SRSF11: variants seen among roughly 807,000 people sequenced by gnomAD.
The protein encoded by SRSF11 is serine and arginine rich splicing factor 11.
Under a neutral mutation model 56.0 loss-of-function variants are expected in SRSF11, and 9 were observed. The observed-to-expected ratio is 0.16, with a 90% CI of 0.10 to 0.28. The LOEUF is 0.28. SRSF11 is among the 10% of genes least tolerant of loss of function. SRSF11 has a pLI of 1.00. For missense variants in SRSF11, 421 were observed against 600.7 expected, an observed-to-expected ratio of 0.70 and a Z score of 3.13; for synonymous variants, 222 against 215.3, an observed-to-expected ratio of 1.03 and a Z score of -0.27.
At chr1:70,233,729 AAGTG>A (rs369702308) in intron 3 of SRSF11, among the ~76,000 whole-genome samples, 5 of 152,216 alleles carry the variant, frequency 3.3e-5, no homozygotes, top group Admixed American at 6.5e-5. Flanking sequence ...CAGGTGGAGA[AAGTG>A]AGGCTGTTTC....
At chr1:70,243,261 A>G (rs539912466) in intron 7 of SRSF11, among the ~76,000 whole-genome samples, 1 of 148,384 alleles carries the variant, frequency 6.7e-6, no homozygotes, top group East Asian at 2.0e-4. Context: ...ATCCACATAT[A>G]GGAAAACTCA....
chr1:70,217,287 T>C (rs1302296652), upstream of SRSF11, among the ~76,000 whole-genome samples: 1 of 152,158 alleles, frequency 6.6e-6, no homozygotes, highest in Non-Finnish European at 1.5e-5. Context: ...GCCTTCCAAG[T>C]AGCTGGGATT....
Position 70,244,704 on chromosome 1 carries a change from G to C in SRSF11, c.821G>C (p.Arg274Thr). The change falls in exon 8 of 12, where the codon AGA (arginine) becomes ACA (threonine). Residue 274 changes from arginine to threonine, a missense_variant. Physicochemically the swap from Arg to Thr is moderately conservative, Grantham distance 71. Transcript: ENST00000370949. ...ATTAGGCGGTCAAGAAGCAGATCGAGACGGCGGTCACATTCTAAGTCTAGG... is the reference window on the plus strand; with the variant it reads ...ATTAGGCGGTCAAGAAGCAGATCGACACGGCGGTCACATTCTAAGTCTAGG... ...SRHRRSRSRS[R>T]RRSHSKSRSR... 1 of 1,614,136 alleles carries C rather than the reference G, an allele frequency of 6.2e-7. No homozygotes were observed.
chr1:70,232,107 A>G, intron 2 of SRSF11, 161 bp from the exon 3 acceptor site: 1 of 1,548,064 alleles, frequency 6.5e-7, no homozygotes. Flanking sequence ...CTGACATAAA[A>G]TTAATGATAA....
At chr1:70,211,576 C>G (rs917298607) in intron 1 of SRSF11, among the ~76,000 whole-genome samples, 1 of 152,054 alleles carries the variant, frequency 6.6e-6, no homozygotes, top group Non-Finnish European at 1.5e-5. Context: ...AAATTTGATA[C>G]TTAGATTTCT....
At chr1:70,229,474 T>C in intron 2 of SRSF11, 2 of 985,280 alleles carry the variant, frequency 2.0e-6, no homozygotes, top group Non-Finnish European at 2.4e-6. Flanking sequence ...TAAAATTTTC[T>C]AAGGCGTATT....
At chr1:70,250,270 G>A (rs1192255628) in intron 10 of SRSF11, 95 bp from the exon 11 acceptor site, 1 of 1,540,938 alleles carries the variant, frequency 6.5e-7, no homozygotes, top group Non-Finnish European at 8.7e-7. Flanking sequence ...TTTGAAGTTG[G>A]ATCTTTGCTG....
Position 70,221,770 on chromosome 1 carries a change from G to C in SRSF11, c.134G>C (p.Ser45Thr). Residue 45 changes from serine to threonine, a missense_variant, in exon 1 of 12, where the codon AGC (serine) becomes ACC (threonine). Ser to Thr is a moderately conservative substitution (Grantham distance 58, BLOSUM62 1). This residue lies in a region of SRSF11 where 168 missense variants were observed against 294.9 expected (regional missense o/e 0.57). Transcript: ENST00000370949. ...IQVTNVSPSA[S>T]SEQMRTLFGF... ...GTGACTAATGTCTCCCCGAGCGCTA[G>C]CTCTGAGCAGATGCGGACTCTCTTC... The C allele has an allele frequency of 1.2e-6, 2 of 1,614,172 alleles. No homozygotes were observed. Among genetic ancestry groups the C allele is most frequent in the Non-Finnish European group, 1.7e-6 (2 of 1,180,046 alleles).
intron 9 of SRSF11, chr1:70,249,280 T>C (rs1469059203): frequency 6.6e-6 from 1 of 152,182 alleles, no homozygotes; most frequent in Admixed American, 6.5e-5. Flanking sequence ...TATATCACAT[T>C]ATTGAATTAT....
intron 7 of SRSF11, among the ~76,000 whole-genome samples, chr1:70,243,355 A>C (rs1351521480): frequency 4.3e-5 from 6 of 140,534 alleles, no homozygotes; most frequent in African/African-American, 8.3e-5. Context: ...AAAAAAAAAA[A>C]AAAAAAAAAA....
intron 6 of SRSF11, among the ~76,000 whole-genome samples, chr1:70,239,159 A>G (rs1168332030): frequency 6.6e-6 from 1 of 152,072 alleles, no homozygotes; most frequent in African/African-American, 2.4e-5. Context: ...TGGTGCAATC[A>G]CAGCTCACTG....
intron 8 of SRSF11, among the ~76,000 whole-genome samples, chr1:70,245,126 C>G (rs144832350): frequency 0.012 from 1,808 of 152,196 alleles, 26 homozygotes; most frequent in Non-Finnish European, 0.014. Flanking sequence ...ATTCAAAAAC[C>G]AGTCTTTTCG....
chr1:70,231,687 G>T, intron 2 of SRSF11: 2 of 1,186,898 alleles, frequency 1.7e-6, no homozygotes, highest in Non-Finnish European at 2.1e-6. Flanking sequence ...GTCAGCAAAA[G>T]CCCTACGCTT....
chr1:70,216,534 G>A (rs933334710), upstream of SRSF11, among the ~76,000 whole-genome samples: 1 of 151,776 alleles, frequency 6.6e-6, no homozygotes, highest in Non-Finnish European at 1.5e-5. Flanking sequence ...CCAGGCTCAG[G>A]TGATCCTCCA....
chr1:70,246,314 A>G (rs941910706), intron 8 of SRSF11, among the ~76,000 whole-genome samples: 4 of 152,144 alleles, frequency 2.6e-5, no homozygotes, highest in African/African-American at 9.7e-5. Context: ...GATATTTTCT[A>G]ATAAGCCCTG....
chr1:70,238,951 A>AT (rs1182780832), intron 6 of SRSF11, among the ~76,000 whole-genome samples: 1 of 152,218 alleles, frequency 6.6e-6, no homozygotes, highest in South Asian at 2.1e-4. Flanking sequence ...AATTTATAGT[A>AT]TTTCAGTAAG....
At chr1:70,226,278 A>C (rs1458403467) in intron 1 of SRSF11, among the ~76,000 whole-genome samples, 1 of 152,134 alleles carries the variant, frequency 6.6e-6, no homozygotes, top group Non-Finnish European at 1.5e-5. Context: ...AACCCATCTA[A>C]AGGAGGCCAT....
intron 2 of SRSF11, chr1:70,230,659 T>TTTA: frequency 8.0e-7 from 1 of 1,255,002 alleles, no homozygotes; most frequent in Non-Finnish European, 1.0e-6. Flanking sequence ...TAGTTTTATT[T>TTTA]TTAAATAGTC....
rs985151280 is a variant in SRSF11 at position 70,252,927 on chromosome 1, G to A, written c.*2122G>A. On this transcript the variant is annotated 3_prime_UTR_variant, in exon 12 of 12. Transcript: ENST00000370949. Reference sequence around the variant, plus strand: ...TGAACATTTTCTGCACAAAGGTAGTGTTGCACTGGGACACAAGCCTTTTAA... The same window carrying A: ...TGAACATTTTCTGCACAAAGGTAGTATTGCACTGGGACACAAGCCTTTTAA... The A allele has an allele frequency of 6.6e-6, 1 of 152,176 alleles. No homozygotes were observed. Among genetic ancestry groups the A allele is most frequent in the Non-Finnish European group, 1.5e-5 (1 of 68,028 alleles). The allele number at this position is 152,176 out of a possible 1,614,324, so 9.4% of individuals were successfully genotyped here. A position where few individuals can be genotyped will look rare whatever the true frequency, so the allele number is the denominator to read the frequency against.
Sources: allele counts gnomAD v4.1 joint callset (sites outside exome capture counted in the v4.1 genomes callset), GRCh38; gene constraint gnomAD v4.1.1; regional missense constraint gnomAD v4.1.1; transcripts MANE v1.5; gene names NCBI Gene and HGNC (gene_info 2026-07-23, HGNC 2026-07-21).